WDR35: variants seen among roughly 807,000 people sequenced by gnomAD.
The protein encoded by WDR35 is WD repeat-containing protein 35.
A neutral mutation model predicts 158.3 loss-of-function variants in WDR35; 118 were observed. The ratio of observed to expected loss-of-function variants is 0.75; its 90% CI spans 0.64 to 0.87. The LOEUF is 0.87. WDR35 is among the 40% of genes least tolerant of loss of function. WDR35 has a pLI of 0.00. For missense variants in WDR35, 1,263 were observed against 1,405.8 expected (o/e 0.90, Z 1.62); for synonymous variants, 448 against 476.1 (o/e 0.94, Z 0.77).
intron 7 of WDR35, 95 bp from the exon 8 acceptor site, chr2:19,973,803 T>C (rs1672106266): frequency 1.3e-6 from 2 of 1,505,580 alleles, no homozygotes; most frequent in South Asian, 2.4e-5. Flanking sequence ...TTTTTAAAAC[T>C]TTCCACATTT....
Position 19,969,518 on chromosome 2 carries a change from A to G in WDR35, c.970T>C (p.Ser324Pro). ...CGAATGTTTGCAAAATATATAAAGG[A>G]ATCAACAGCTAGTGCAATTTTCAGT... ...GGLKIALAVDSFIYFANIRPN... is the reference protein window; with the variant it reads ...GGLKIALAVDPFIYFANIRPN... Residue 324 changes from serine to proline, a missense_variant, in exon 9 of 27, where the codon TCC (serine) becomes CCC (proline). Coordinates refer to ENST00000281405, the MANE Select transcript of WDR35 (RefSeq NM_020779.4). The G allele has an allele frequency of 6.2e-7, 1 of 1,613,672 alleles. No homozygotes were observed. The highest frequency in any genetic ancestry group is 1.3e-5 in the African/African-American group (1 of 75,026).
intron 3 of WDR35, 146 bp from the exon 4 acceptor site, chr2:19,980,929 A>C: frequency 1.4e-6 from 1 of 701,680 alleles, no homozygotes; most frequent in Non-Finnish European, 2.4e-6. Context: ...ACCTATTCAT[A>C]AGATGCAGTT....
At position 19,913,069 on chromosome 2, in the gene WDR35, T is replaced by G. The variant is rs1271650914; in HGVS notation, c.*489A>C. ...TCTGAAAATACAATAAAGAAGACAT[T>G]CGACACTTATTTAATTAAATATGGC... On this transcript the variant is annotated 3_prime_UTR_variant, in exon 27 of 27. Transcript: ENST00000281405. The G allele has an allele frequency of 1.3e-5, 2 of 153,332 alleles. No homozygotes were observed. The allele number at this position is 153,332 out of a possible 1,614,324, so 9.5% of individuals were successfully genotyped here. A position where few individuals can be genotyped will look rare whatever the true frequency, so the allele number is the denominator to read the frequency against.
chr2:19,935,450 A>T, intron 21 of WDR35, 21 bp downstream of exon 21: 1 of 1,611,778 alleles, frequency 6.2e-7, no homozygotes, highest in Non-Finnish European at 8.5e-7. Context: ...AATTCCAAAA[A>T]CTAAAATTTG....
At chr2:19,969,404 T>C (rs1671962887) in intron 9 of WDR35, 76 bp downstream of exon 9, 9 of 1,487,660 alleles carry the variant, frequency 6.0e-6, no homozygotes, top group Non-Finnish European at 8.3e-6. Flanking sequence ...CAAGACAGCT[T>C]TGAATATACT....
Position 19,989,328 on chromosome 2 carries a change from C to T in WDR35, c.25-46G>A, listed in dbSNP as rs3731663. ...GCACTAGCAACTTTTCACGAAGGAG[C>T]TGGGAAGTAAGTCTGCAGGAGATGA... On this transcript the variant is annotated intron_variant, in intron 1 of 26. Transcript: ENST00000281405. The T allele has an allele frequency of 0.52, 794,495 of 1,517,914 alleles. 211,941 individuals are homozygous for T. The highest frequency in any genetic ancestry group is 0.73 in the African/African-American group (53,151 of 73,172). The allele number at this position is 1,517,914 out of a possible 1,614,324, so 94.0% of individuals were successfully genotyped here.
chr2:19,989,994 T>A lies in WDR35; in HGVS notation c.22A>T (p.Lys8Ter), dbSNP rs1359668460. 7 of 1,613,890 alleles carry A rather than the reference T, an allele frequency of 4.3e-6. No homozygotes were observed. The South Asian group carries it at 7.7e-5, about 18-fold the overall frequency. Residue 8 changes from lysine to a stop codon, truncating the protein, a stop_gained and splice_region_variant, in exon 1 of 27, where the codon AAA becomes TAA. Coordinates refer to ENST00000281405, the MANE Select transcript of WDR35 (RefSeq NM_020779.4). LOFTEE classifies it high-confidence loss of function. ...AGGACGCCCCCCAGGAAACTCACTT[T>A]CTTGCTCAGGTAGAAGAACATCGTG... MFFYLSKKISIPNNVKLQ... is the reference protein window; with the variant it reads MFFYLSK
intron 14 of WDR35, 36 bp from the exon 15 acceptor site, chr2:19,946,606 G>A: frequency 6.4e-7 from 1 of 1,554,190 alleles, no homozygotes; most frequent in Non-Finnish European, 8.9e-7. Flanking sequence ...AAGCATACGT[G>A]TATCATAATA....
At chr2:19,976,486 A>G (rs890124558) in intron 5 of WDR35, among the ~76,000 whole-genome samples, 15 of 152,184 alleles carry the variant, frequency 9.9e-5, no homozygotes, top group Admixed American at 7.2e-4. Flanking sequence ...TATTCAATAT[A>G]TCCATATAAC....
chr2:19,959,471 T>C (rs182109512), intron 11 of WDR35, among the ~76,000 whole-genome samples: 1 of 152,108 alleles, frequency 6.6e-6, no homozygotes, highest in East Asian at 1.9e-4. Context: ...CTAATGTGTA[T>C]ATATATGTGT....
chr2:19,958,095 G>A (rs1434248228), intron 11 of WDR35, among the ~76,000 whole-genome samples: 1 of 152,120 alleles, frequency 6.6e-6, no homozygotes, highest in African/African-American at 2.4e-5. Context: ...CTGGTAAATT[G>A]AAATTTCACT....
At chr2:19,933,899 A>G (rs1485920005) in intron 21 of WDR35, among the ~76,000 whole-genome samples, 1 of 152,170 alleles carries the variant, frequency 6.6e-6, no homozygotes, top group Non-Finnish European at 1.5e-5. Flanking sequence ...CTTAAGGGAA[A>G]TCTCACATTC....
At chr2:19,935,100 C>G (rs893196262) in intron 21 of WDR35, 1 of 154,712 alleles carries the variant, frequency 6.5e-6, no homozygotes, top group African/African-American at 2.4e-5. Context: ...TCTTTTTAAA[C>G]TTAAGTTATA....
rs753692181 is a variant in WDR35 at position 19,912,468 on chromosome 2, C to A, written c.*1090G>T. On this transcript the variant is annotated 3_prime_UTR_variant, in exon 27 of 27. Transcript: ENST00000281405. Reference sequence around the variant, plus strand: ...CTCATAGCTCACTATTCCCAATCTGCAACATGCTGAACTTGTCTCTGTCTC... The same window carrying A: ...CTCATAGCTCACTATTCCCAATCTGAAACATGCTGAACTTGTCTCTGTCTC... The A allele has an allele frequency of 2.6e-5, 4 of 152,184 alleles. No individual in the cohort carries two copies. Among genetic ancestry groups the A allele is most frequent in the Non-Finnish European group, 4.4e-5 (3 of 68,036 alleles). The allele number at this position is 152,184 out of a possible 1,614,324, so 9.4% of individuals were successfully genotyped here.
chr2:19,989,928 CA>C, intron 1 of WDR35, 63 bp downstream of exon 1: 1 of 1,606,062 alleles, frequency 6.2e-7, no homozygotes. Flanking sequence ...CTCGGGAAGG[CA>C]GCGGGAATCG....
Position 19,978,746 on chromosome 2 carries a change from A to G in WDR35, c.436+5T>C, listed in dbSNP as rs1672290078. 4 of 1,613,738 alleles carry G rather than the reference A, an allele frequency of 2.5e-6. No homozygotes were observed. In the African/African-American group the frequency reaches 5.3e-5, roughly 22 times the overall value. ...TCTTAGTTCTATGTCCAATCAATACATTACCATCCACTGAACCAACTATCA... is the reference window on the plus strand; with the variant it reads ...TCTTAGTTCTATGTCCAATCAATACGTTACCATCCACTGAACCAACTATCA... On this transcript the variant is annotated splice_donor_5th_base_variant and intron_variant, in intron 5 of 26. Coordinates refer to ENST00000281405, the MANE Select transcript of WDR35 (RefSeq NM_020779.4).
In WDR35 at chr2:19,934,877, C is replaced by T. The variant is rs1364621692; in HGVS notation, c.2547+594G>A. ...TGAAGCAGAACTCACAACTGATATACATCCAGACTCTGCAGTTGAGAGCTG... is the reference window on the plus strand; with the variant it reads ...TGAAGCAGAACTCACAACTGATATATATCCAGACTCTGCAGTTGAGAGCTG... On this transcript the variant is annotated intron_variant, in intron 21 of 26. Coordinates refer to ENST00000281405, the MANE Select transcript of WDR35 (RefSeq NM_020779.4). The surrounding 1 kb of genome is among the most constrained non-coding windows in gnomAD (Gnocchi z 4.6). Among the ~76,000 whole-genome samples the T allele has an allele frequency of 6.6e-6, 1 of 152,180 alleles. No individual in the cohort carries two copies. The highest frequency in any genetic ancestry group is 1.5e-5 in the Non-Finnish European group (1 of 68,032).
intron 25 of WDR35, among the ~76,000 whole-genome samples, chr2:19,929,142 G>A (rs1670449965): frequency 6.6e-6 from 1 of 152,158 alleles, no homozygotes. Flanking sequence ...TACACAAAGA[G>A]AAACTGAAGC....
chr2:19,958,102 C>T (rs1290359514), intron 11 of WDR35, among the ~76,000 whole-genome samples: 7 of 152,194 alleles, frequency 4.6e-5, no homozygotes, highest in Non-Finnish European at 8.8e-5. Context: ...ATTGAAATTT[C>T]ACTGAAATGT....
Sources: allele counts gnomAD v4.1 joint callset (sites outside exome capture counted in the v4.1 genomes callset), GRCh38; gene constraint gnomAD v4.1.1; non-coding constraint Gnocchi (gnomAD v3.1); transcripts MANE v1.5; gene names NCBI Gene and HGNC (gene_info 2026-07-23, HGNC 2026-07-21).